CNTN3: variants seen among roughly 807,000 people sequenced by gnomAD.
CNTN3 encodes the protein contactin 3, also known as contactin-3.
Under a neutral mutation model 119.1 loss-of-function variants are expected in CNTN3, and 60 were observed. That is an observed-to-expected ratio of 0.50 (90% confidence interval 0.41 to 0.62). The LOEUF (loss-of-function observed/expected upper bound fraction) is 0.62, where lower values mean the gene tolerates loss of function less well. CNTN3 is among the 20% of genes least tolerant of loss of function. CNTN3 has a pLI of 0.00. For synonymous variants in CNTN3, 450 were observed against 438.7 expected (o/e 1.03, Z -0.32); for missense variants, 1,101 against 1,242.4 (o/e 0.89, Z 1.71).
Position 74,364,546 on chromosome 3 carries a change from C to A in CNTN3, c.1134G>T (p.Val378=). The part of the protein sequence containing the change: ...NGALTISNLS[V]TDSGMFQCIA... ...TGCATTGGAACATGCCAGAATCAGTCACACTTAGGTTTGATATTGTAAGGG... is the reference window on the plus strand; with the variant it reads ...TGCATTGGAACATGCCAGAATCAGTAACACTTAGGTTTGATATTGTAAGGG... The change falls in exon 10 of 23, where the codon GTG becomes GTT. Residue 378 remains valine (V), a synonymous_variant. Coordinates refer to ENST00000263665, the MANE Select transcript of CNTN3 (RefSeq NM_020872.3). 6.2e-7 allele frequency: 1 copy of A among 1,611,830 alleles called. No homozygotes were observed. The highest frequency in any genetic ancestry group is 8.5e-7 in the Non-Finnish European group (1 of 1,178,338).
intron 1 of CNTN3, among the ~76,000 whole-genome samples, chr3:74,557,273 T>G (rs757353904): frequency 3.3e-5 from 5 of 152,206 alleles, no homozygotes; most frequent in Non-Finnish European, 7.3e-5. Context: ...TTTTAGCTGT[T>G]GGAGTTCTAC....
chr3:74,352,934 G>A (rs1382918297), intron 11 of CNTN3, among the ~76,000 whole-genome samples: 1 of 151,978 alleles, frequency 6.6e-6, no homozygotes, highest in Non-Finnish European at 1.5e-5. Flanking sequence ...TTGATGGGTA[G>A]ACCACGGATG....
At chr3:74,395,302 G>C (rs1308453160) in intron 5 of CNTN3, among the ~76,000 whole-genome samples, 3 of 151,874 alleles carry the variant, frequency 2.0e-5, no homozygotes, top group Non-Finnish European at 4.4e-5. Flanking sequence ...ACATAACCAA[G>C]ACTGACTTGA....
At chr3:74,519,031 T>C (rs956778399) in intron 2 of CNTN3, among the ~76,000 whole-genome samples, 1 of 151,882 alleles carries the variant, frequency 6.6e-6, no homozygotes, top group Non-Finnish European at 1.5e-5. Context: ...TTCTCTCATA[T>C]AGTATGATCT....
intron 5 of CNTN3, among the ~76,000 whole-genome samples, chr3:74,415,293 T>C (rs1257474165): frequency 1.3e-5 from 2 of 152,148 alleles, no homozygotes; most frequent in Non-Finnish European, 2.9e-5. Flanking sequence ...GGGGCATTTC[T>C]GAAGCTTGGG....
intron 8 of CNTN3, among the ~76,000 whole-genome samples, chr3:74,367,223 T>C (rs1177095066): frequency 6.6e-6 from 1 of 152,096 alleles, no homozygotes; most frequent in Non-Finnish European, 1.5e-5. Context: ...CATGAAATGC[T>C]TTATGCCATT....
intron 11 of CNTN3, among the ~76,000 whole-genome samples, chr3:74,346,320 G>A (rs1022576042): frequency 2.0e-5 from 3 of 151,954 alleles, no homozygotes; most frequent in East Asian, 1.9e-4. Context: ...GTATTTGAAT[G>A]TAAAAGGTTA....
chr3:74,601,506 T>C (rs2106704329), intron 1 of CNTN3, among the ~76,000 whole-genome samples: 2 of 152,210 alleles, frequency 1.3e-5, no homozygotes, highest in South Asian at 4.1e-4. Context: ...TAATTAGAGG[T>C]ATAATTTATT....
At chr3:74,437,303 A>G (rs1180082571) in intron 4 of CNTN3, among the ~76,000 whole-genome samples, 2 of 152,018 alleles carry the variant, frequency 1.3e-5, no homozygotes, top group Admixed American at 6.6e-5. Context: ...TCTACTAAAA[A>G]TACAAAAAAT....
chr3:74,547,576 T>A (rs1239940424), intron 1 of CNTN3, among the ~76,000 whole-genome samples: 2 of 152,220 alleles, frequency 1.3e-5, no homozygotes, highest in Admixed American at 1.3e-4. Flanking sequence ...AGCATCTTTT[T>A]ACACATTTAA....
At chr3:74,496,993 C>T (rs1455293675) in intron 3 of CNTN3, among the ~76,000 whole-genome samples, 2 of 151,984 alleles carry the variant, frequency 1.3e-5, no homozygotes, top group African/African-American at 2.4e-5. Context: ...CATTCTTTTA[C>T]AAGATTCTTT....
In CNTN3 at chr3:74,402,841, T is replaced by C. The variant is rs1253827086; in HGVS notation, c.454+22004A>G. Among the ~76,000 whole-genome samples the C allele has an allele frequency of 2.0e-5, 3 of 152,296 alleles. No individual in the cohort carries two copies. The East Asian group carries it at 5.8e-4, about 29-fold the overall frequency. ...GTGGACCTCTTTGTTCAGCCTGCAA[T>C]GGCAAGGAGGAGTCAGCCATGCAAA... On this transcript the variant is annotated intron_variant, in intron 5 of 22. Coordinates refer to ENST00000263665, the MANE Select transcript of CNTN3 (RefSeq NM_020872.3).
In CNTN3 at chr3:74,361,878, A is replaced by T; in HGVS notation, c.1364+12T>A. ...GGAAAGTAAATGACCACTTTTCTGGACATCAAAATACCTTTCATGCTCCTG... is the reference window on the plus strand; with the variant it reads ...GGAAAGTAAATGACCACTTTTCTGGTCATCAAAATACCTTTCATGCTCCTG... On this transcript the variant is annotated intron_variant, in intron 11 of 22. Coordinates refer to ENST00000263665, the MANE Select transcript of CNTN3 (RefSeq NM_020872.3). 1 of 1,594,898 alleles carries T rather than the reference A, an allele frequency of 6.3e-7. No individual in the cohort carries two copies. Among genetic ancestry groups the T allele is most frequent in the Non-Finnish European group, 8.6e-7 (1 of 1,169,386 alleles).
chr3:74,600,184 G>C (rs1444178535), intron 1 of CNTN3, among the ~76,000 whole-genome samples: 1 of 152,030 alleles, frequency 6.6e-6, no homozygotes, highest in African/African-American at 2.4e-5. Flanking sequence ...GAGAGCCTTG[G>C]AAAGAAAGGA....
chr3:74,529,264 T>C (rs1459144841), intron 1 of CNTN3, among the ~76,000 whole-genome samples: 1 of 151,824 alleles, frequency 6.6e-6, no homozygotes, highest in African/African-American at 2.4e-5. Context: ...GGATTAACAA[T>C]AGAAAAGTAA....
chr3:74,290,866 T>A (rs1702216214), intron 19 of CNTN3, among the ~76,000 whole-genome samples: 1 of 152,016 alleles, frequency 6.6e-6, no homozygotes, highest in Non-Finnish European at 1.5e-5. Flanking sequence ...TAATTTTTTG[T>A]ATTTTTATTT....
At chr3:74,480,633 G>A (rs1287499210) in intron 4 of CNTN3, among the ~76,000 whole-genome samples, 2 of 151,906 alleles carry the variant, frequency 1.3e-5, no homozygotes, top group Non-Finnish European at 2.9e-5. Context: ...ACAAAAGCTT[G>A]ATGTTTTCCT....
chr3:74,382,025 A>G (rs1704635139), intron 5 of CNTN3, among the ~76,000 whole-genome samples: 1 of 152,060 alleles, frequency 6.6e-6, no homozygotes, highest in South Asian at 2.1e-4. Context: ...GCCAACCAAC[A>G]TGGAGAAACC....
chr3:74,367,002 T>C (rs1336309966), intron 8 of CNTN3, among the ~76,000 whole-genome samples: 4 of 112,196 alleles, frequency 3.6e-5, no homozygotes, highest in African/African-American at 1.0e-4. Flanking sequence ...AGTAATACTC[T>C]TCTTCTCCAA....
Sources: allele counts gnomAD v4.1 joint callset (sites outside exome capture counted in the v4.1 genomes callset), GRCh38; gene constraint gnomAD v4.1.1; transcripts MANE v1.5; gene names NCBI Gene and HGNC (gene_info 2026-07-23, HGNC 2026-07-21).